Variants in BIRC6 observed in about 807,000 individuals in gnomAD.
The protein encoded by BIRC6 is baculoviral IAP repeat containing 6.
Under a neutral mutation model 503.3 loss-of-function variants are expected in BIRC6, and 98 were observed. That is an observed-to-expected ratio of 0.19 (90% CI 0.17 to 0.23). The LOEUF (loss-of-function observed/expected upper bound fraction) is 0.23, where lower values mean the gene tolerates loss of function less well. Ranked by LOEUF, BIRC6 falls within the 10% of genes least tolerant of loss-of-function variation. The pLI is 1.00. For synonymous variants in BIRC6, 2,240 were observed against 2,078.7 expected (o/e 1.08, Z -2.11); for missense variants, 5,360 against 5,806.0 (o/e 0.92, Z 2.50).
At position 32,550,378 on chromosome 2, in the gene BIRC6, T is replaced by G. The variant is rs530898535; in HGVS notation, c.13144+897T>G. 9.9e-5 allele frequency among the ~76,000 whole-genome samples: 15 copies of G among 152,272 alleles called. No homozygotes were observed. The South Asian group carries it at 3.1e-3, about 32-fold the overall frequency. On this transcript the variant is annotated intron_variant, in intron 65 of 73. Coordinates refer to ENST00000421745, the MANE Select transcript of BIRC6 (RefSeq NM_016252.4). ...CCGTATTCCCCAGTATCAGGAAGAT[T>G]GTTGTCCTTTAAAAATACGCTATTT...
At chr2:32,466,890 C>T (rs991145250) in intron 26 of BIRC6, among the ~76,000 whole-genome samples, 2 of 151,760 alleles carry the variant, frequency 1.3e-5, no homozygotes, top group African/African-American at 2.4e-5. Context: ...GAGGCCGAGG[C>T]GGGTGGATCA....
intron 13 of BIRC6, among the ~76,000 whole-genome samples, chr2:32,435,282 AAGAG>A (rs1241223180): frequency 2.0e-5 from 3 of 152,218 alleles, no homozygotes; most frequent in Admixed American, 6.5e-5. Flanking sequence ...TTACCGTTAA[AAGAG>A]AGAAGAATGT....
At chr2:32,573,121 T>C (rs2060029557) in intron 65 of BIRC6, among the ~76,000 whole-genome samples, 1 of 152,338 alleles carries the variant, frequency 6.6e-6, no homozygotes, top group East Asian at 1.9e-4. Context: ...GAATGTTAGA[T>C]ACTTGATGGT....
chr2:32,539,312 AGTT>A (rs1253878148), intron 61 of BIRC6, among the ~76,000 whole-genome samples: 1 of 152,236 alleles, frequency 6.6e-6, no homozygotes. Flanking sequence ...AGGAAGTAGG[AGTT>A]GTTGGGGGAA....
In BIRC6 at chr2:32,611,580, A is replaced by C. The variant is rs759910304; in HGVS notation, c.14392A>C (p.Lys4798Gln). 3.2e-6 allele frequency: 5 copies of C among 1,577,480 alleles called. No individual in the cohort carries two copies. Among genetic ancestry groups the C allele is most frequent in the Non-Finnish European group, 4.3e-6 (5 of 1,158,700 alleles). ...RTMSHHAAAL[K>Q]RHTAQLREEL... ...TATGTCTCACCATGCAGCAGCTCTC[A>C]AGGTGAGTAAGCCTCTCTAACAGGA... Residue 4798 changes from lysine (K) to glutamine (Q), a missense_variant and splice_region_variant, in exon 73 of 74, where the codon AAG becomes CAG. Transcript: ENST00000421745.
intron 4 of BIRC6, among the ~76,000 whole-genome samples, chr2:32,391,017 G>C (rs572362686): frequency 1.3e-5 from 2 of 152,162 alleles, no homozygotes; most frequent in Admixed American, 6.6e-5. Flanking sequence ...TTTGGGATAT[G>C]CCTGAGATGG....
chr2:32,443,531 G>C lies in BIRC6; in HGVS notation c.4279G>C (p.Val1427Leu), dbSNP rs768116280. The stretch of plus-strand genomic sequence containing the variant: ...CCCATGTCAACCAGCATTTGGACCT[G>C]TTCTGTTGAAGGCTTTACTTGATAA... ...CDPCQPAFGP[V>L]LLKALLDNMS... The change falls in exon 20 of 74, where the codon GTT (valine) becomes CTT (leucine). Residue 1427 changes from valine (V) to leucine (L), a missense_variant. Val to Leu is a conservative substitution (Grantham distance 32, BLOSUM62 1). Transcript: ENST00000421745. The C allele has an allele frequency of 6.2e-7, 1 of 1,609,886 alleles. No individual in the cohort carries two copies. The highest frequency in any genetic ancestry group is 1.7e-5 in the Admixed American group (1 of 59,456).
intron 33 of BIRC6, among the ~76,000 whole-genome samples, chr2:32,475,159 TAA>T (rs11394641): frequency 2.4e-3 from 274 of 114,196 alleles, no homozygotes; most frequent in Middle Eastern, 9.8e-3. Flanking sequence ...AAGACTATCT[TAA>T]AAAAAAAAAA....
chr2:32,473,706 C>CATGTGTGTGT (rs1491452408), intron 33 of BIRC6, among the ~76,000 whole-genome samples: 2 of 72,670 alleles, frequency 2.8e-5, no homozygotes, highest in African/African-American at 1.1e-4. Flanking sequence ...TCTCCTTTTT[C>CATGTGTGTGT]GTGTGTGTGT....
chr2:32,420,146 G>C (rs1048112995), intron 10 of BIRC6, among the ~76,000 whole-genome samples: 2 of 152,118 alleles, frequency 1.3e-5, no homozygotes, highest in Admixed American at 6.5e-5. Context: ...GATATTATAT[G>C]TTCCTTGTAA....
rs554667384 is a variant in BIRC6, at chr2:32,530,474, G to A, written c.12094+650G>A. Among the ~76,000 whole-genome samples the A allele has an allele frequency of 7.3e-4, 111 of 152,296 alleles. 1 individual carries two copies. In the Middle Eastern group the frequency reaches 0.01, roughly 14 times the overall value. ...TATCTGCCCGCTTCGGCCTCACAAAGTGCTGGGATATAGGCATGAGCCACC... is the reference window on the plus strand; with the variant it reads ...TATCTGCCCGCTTCGGCCTCACAAAATGCTGGGATATAGGCATGAGCCACC... On this transcript the variant is annotated intron_variant, in intron 60 of 73. Transcript: ENST00000421745.
intron 64 of BIRC6, 114 bp from the exon 65 acceptor site, chr2:32,549,199 T>G: frequency 1.5e-6 from 1 of 660,826 alleles, no homozygotes; most frequent in Non-Finnish European, 2.3e-6. Flanking sequence ...TAGTATAAGA[T>G]ACTGATTAAG....
intron 1 of BIRC6, among the ~76,000 whole-genome samples, chr2:32,375,743 CTTTT>C (rs34370291): frequency 1.4e-5 from 2 of 138,374 alleles, no homozygotes. Context: ...CTTTCTCTCT[CTTTT>C]TTTTTTTTTT....
chr2:32,571,447 A>T (rs1461804479), intron 65 of BIRC6, among the ~76,000 whole-genome samples: 2 of 74,538 alleles, frequency 2.7e-5, no homozygotes, highest in Middle Eastern at 0.014. Context: ...GCTTGTTATT[A>T]GTTTGTTTAG....
chr2:32,409,758 G>A (rs571986536), intron 9 of BIRC6, among the ~76,000 whole-genome samples: 1 of 152,102 alleles, frequency 6.6e-6, no homozygotes, highest in Non-Finnish European at 1.5e-5. Context: ...AATAGAGAAG[G>A]GTTTTTAAAA....
chr2:32,568,203 C>G (rs1424013013), intron 65 of BIRC6, among the ~76,000 whole-genome samples: 2 of 134,094 alleles, frequency 1.5e-5, no homozygotes, highest in East Asian at 4.2e-4. Flanking sequence ...TTTTTTTTTT[C>G]AGGATAATCT....
chr2:32,506,377 T>C (rs1409013897), intron 50 of BIRC6, among the ~76,000 whole-genome samples: 2 of 152,226 alleles, frequency 1.3e-5, no homozygotes, highest in African/African-American at 4.8e-5. Flanking sequence ...GCTTAATTAC[T>C]TGTGGCATCC....
chr2:32,415,933 T>C lies in BIRC6; in HGVS notation c.2642T>C (p.Met881Thr), dbSNP rs1458737785. ...EDDCEEPIED[M>T]QLTSKNGFER... Reference sequence around the variant, plus strand: ...GACTGTGAGGAACCTATTGAGGACATGCAGTTAACCTCAAAGAATGGTTTT... The same window carrying C: ...GACTGTGAGGAACCTATTGAGGACACGCAGTTAACCTCAAAGAATGGTTTT... The change falls in exon 10 of 74, where the codon ATG (methionine) becomes ACG (threonine). Residue 881 changes from methionine (M) to threonine (T), a missense_variant. Met to Thr is a moderately conservative substitution (Grantham distance 81). This residue lies in a region of BIRC6 where 700 missense variants were observed against 739.3 expected (regional missense o/e 0.95). Transcript: ENST00000421745. 4.3e-6 allele frequency: 7 copies of C among 1,613,922 alleles called. No individual in the cohort carries two copies. In the Admixed American group the frequency reaches 8.3e-5, roughly 19 times the overall value.
chr2:32,374,886 G>A (rs1480438115), intron 1 of BIRC6, among the ~76,000 whole-genome samples: 2 of 152,246 alleles, frequency 1.3e-5, no homozygotes, highest in East Asian at 3.9e-4. Context: ...TTATGGGTGT[G>A]AGCCACCATG....
Sources: gnomAD v4.1 joint callset for allele counts (sites outside exome capture counted in the v4.1 genomes callset) on GRCh38, gnomAD v4.1.1 for gene constraint, gnomAD v4.1.1 regional missense constraint, MANE v1.5 for transcripts, NCBI Gene and HGNC (gene_info 2026-07-23, HGNC 2026-07-21) for gene names.